Variants in SPATA18 observed in about 807,000 individuals in gnomAD.
The protein encoded by SPATA18 is spermatogenesis associated 18.
In SPATA18, 54 loss-of-function variants were observed where a neutral mutation model predicts 68.1. The observed-to-expected ratio is 0.79, with a 90% CI of 0.64 to 0.99. The LOEUF (loss-of-function observed/expected upper bound fraction) is 0.99, where lower values mean the gene tolerates loss of function less well. Among genes scored for constraint, SPATA18 ranks in the 50% least tolerant of loss-of-function variants. SPATA18 has a pLI of 0.00. For missense variants in SPATA18, 724 were observed against 681.1 expected, an observed-to-expected ratio of 1.06 and a Z score of -0.70; for synonymous variants, 242 against 244.8, an observed-to-expected ratio of 0.99 and a Z score of 0.11.
At chr4:52,056,961 C>T (rs1459692221) in intron 1 of SPATA18, among the ~76,000 whole-genome samples, 1 of 152,160 alleles carries the variant, frequency 6.6e-6, no homozygotes, top group African/African-American at 2.4e-5. Context: ...GGACCCTGTA[C>T]TCACTTTCCG....
rs184542043 is a variant in SPATA18, at chr4:52,062,469, T to C, written c.422+137T>C. ...AGTAATATGATTGTGTGTGTGTCTG[T>C]GGGCATGTGTGTATGACAGAGAGAG... On this transcript the variant is annotated intron_variant, in intron 4 of 12. Coordinates refer to ENST00000295213, the MANE Select transcript of SPATA18 (RefSeq NM_145263.4). The C allele has an allele frequency of 1.6e-5, 10 of 627,606 alleles. No homozygotes were observed. The East Asian group carries it at 2.8e-4, about 17-fold the overall frequency. The allele number at this position is 627,606 out of a possible 1,614,324, so 38.9% of individuals were successfully genotyped here.
At chr4:52,091,572 A>G (rs1741957632) in intron 11 of SPATA18, among the ~76,000 whole-genome samples, 1 of 152,144 alleles carries the variant, frequency 6.6e-6, no homozygotes, top group Non-Finnish European at 1.5e-5. Context: ...TCCACTCCCA[A>G]CCCTGTTTGC....
At chr4:52,088,855 TG>T (rs1459646402) in intron 11 of SPATA18, among the ~76,000 whole-genome samples, 1 of 152,228 alleles carries the variant, frequency 6.6e-6, no homozygotes, top group Non-Finnish European at 1.5e-5. Flanking sequence ...TCAGAACGAA[TG>T]GTACCATTTC....
At chr4:52,092,461 G>A (rs1742052886) in intron 11 of SPATA18, among the ~76,000 whole-genome samples, 1 of 152,190 alleles carries the variant, frequency 6.6e-6, no homozygotes, top group African/African-American at 2.4e-5. Context: ...GGGTAGGGGG[G>A]AACATTCTCT....
intron 1 of SPATA18, among the ~76,000 whole-genome samples, chr4:52,058,756 C>T (rs1478530590): frequency 6.6e-6 from 1 of 152,080 alleles, no homozygotes; most frequent in Non-Finnish European, 1.5e-5. Context: ...ATCTAAAAGT[C>T]AGTATAGTTT....
At position 52,051,801 on chromosome 4, in the gene SPATA18, G is replaced by A. The variant is rs748435698; in HGVS notation, c.87+10G>A. On this transcript the variant is annotated intron_variant, in intron 1 of 12. Coordinates refer to ENST00000295213, the MANE Select transcript of SPATA18 (RefSeq NM_145263.4). ...GCTGAAGGAGTACAACGTGAGTCTGGGTGAAAAACCCCCGGGGTTCGCCCT... is the reference window on the plus strand; with the variant it reads ...GCTGAAGGAGTACAACGTGAGTCTGAGTGAAAAACCCCCGGGGTTCGCCCT... 1.2e-6 allele frequency: 2 copies of A among 1,612,718 alleles called. No homozygotes were observed. Among genetic ancestry groups the A allele is most frequent in the South Asian group, 2.2e-5 (2 of 91,078 alleles).
At chr4:52,073,350 G>C (rs750491732) in intron 6 of SPATA18, among the ~76,000 whole-genome samples, 43 of 152,098 alleles carry the variant, frequency 2.8e-4, no homozygotes, top group Non-Finnish European at 5.0e-4. Context: ...TTTACTTCAG[G>C]CTAGCTAGTC....
In SPATA18 at chr4:52,069,854, C is replaced by T. The variant is rs562380074; in HGVS notation, c.456C>T (p.Ser152=). The change falls in exon 5 of 13, where the codon AGC becomes AGT. Residue 152 remains serine (S), a synonymous_variant. Transcript: ENST00000295213. The part of the protein sequence containing the change: ...LVETEKNLEE[S]KNRSAISLLA... ...AAACTGAAAAGAATCTTGAAGAAAG[C>T]AAGAACAGATCGGCCATATCCCTTT... 1.3e-6 allele frequency: 2 copies of T among 1,594,602 alleles called. No individual in the cohort carries two copies. Among genetic ancestry groups the T allele is most frequent in the Non-Finnish European group, 1.7e-6 (2 of 1,167,972 alleles).
chr4:52,061,807 T>C (rs1037813521), intron 3 of SPATA18, among the ~76,000 whole-genome samples: 2 of 152,024 alleles, frequency 1.3e-5, no homozygotes, highest in Non-Finnish European at 2.9e-5. Flanking sequence ...CATTAAGTAA[T>C]TTTTTTTCCC....
At chr4:52,065,749 T>A (rs904415213) in intron 4 of SPATA18, among the ~76,000 whole-genome samples, 2 of 152,196 alleles carry the variant, frequency 1.3e-5, no homozygotes, top group Non-Finnish European at 2.9e-5. Context: ...GTTCCCTATG[T>A]CTAACCTTGT....
intron 1 of SPATA18, among the ~76,000 whole-genome samples, chr4:52,059,932 A>G (rs1252426649): frequency 6.6e-6 from 1 of 152,190 alleles, no homozygotes; most frequent in Non-Finnish European, 1.5e-5. Flanking sequence ...GGTTTTACTG[A>G]GTAGGATTAT....
chr4:52,064,288 A>T (rs1250557953), intron 4 of SPATA18, among the ~76,000 whole-genome samples: 1 of 151,494 alleles, frequency 6.6e-6, no homozygotes, highest in South Asian at 2.1e-4. Context: ...TTTTTATGTT[A>T]TTTCAATAGA....
intron 9 of SPATA18, among the ~76,000 whole-genome samples, chr4:52,080,748 C>T (rs1306320857): frequency 6.6e-6 from 1 of 152,044 alleles, no homozygotes; most frequent in South Asian, 2.1e-4. Context: ...TGCCTACTTC[C>T]TAGGGTCGTA....
chr4:52,093,178 A>T (rs932123634), intron 11 of SPATA18, among the ~76,000 whole-genome samples: 1 of 152,228 alleles, frequency 6.6e-6, no homozygotes, highest in African/African-American at 2.4e-5. Flanking sequence ...GATTATTATG[A>T]TTTAAACAGA....
chr4:52,052,859 G>A (rs1190714246), intron 1 of SPATA18, among the ~76,000 whole-genome samples: 1 of 152,208 alleles, frequency 6.6e-6, no homozygotes, highest in African/African-American at 2.4e-5. Context: ...GTGGAGGGGA[G>A]CTCAAAGAGC....
chr4:52,087,702 G>T (rs1209177478), intron 11 of SPATA18, among the ~76,000 whole-genome samples: 2 of 152,058 alleles, frequency 1.3e-5, no homozygotes, highest in Non-Finnish European at 2.9e-5. Context: ...GTCAGGTAGC[G>T]TGATGCCTCT....
intron 11 of SPATA18, 33 bp from the exon 12 acceptor site, chr4:52,094,494 A>T (rs373384023): frequency 5.0e-6 from 8 of 1,603,692 alleles, no homozygotes; most frequent in Non-Finnish European, 6.8e-6. Flanking sequence ...TCCGTCTACT[A>T]TGTAATTCAC....
At chr4:52,070,022 C>A in intron 5 of SPATA18, 106 bp downstream of exon 5, 2 of 416,298 alleles carry the variant, frequency 4.8e-6, no homozygotes, top group Non-Finnish European at 7.6e-6. Context: ...AGAGAAAATG[C>A]AGAAATATTT....
rs1470038593 is a variant in SPATA18 at position 52,096,036 on chromosome 4, T to G, written c.*1149T>G. ...CACTGAATTGGCCTCAGCTCAGTTT[T>G]GCATAAGCTTAGTGCCAGAACCAGC... On this transcript the variant is annotated 3_prime_UTR_variant, in exon 13 of 13. Coordinates refer to ENST00000295213, the MANE Select transcript of SPATA18 (RefSeq NM_145263.4). 1 of 152,190 alleles carries G rather than the reference T, an allele frequency of 6.6e-6. No individual in the cohort carries two copies. Among genetic ancestry groups the G allele is most frequent in the African/African-American group, 2.4e-5 (1 of 41,444 alleles). 9.4% of individuals were successfully genotyped at this position (152,190 alleles called of 1,614,324 possible). A position where few individuals can be genotyped will look rare whatever the true frequency, so the allele number is the denominator to read the frequency against.
Sources: gnomAD v4.1 joint callset for allele counts (sites outside exome capture counted in the v4.1 genomes callset) on GRCh38, gnomAD v4.1.1 for gene constraint, MANE v1.5 for transcripts, NCBI Gene and HGNC (gene_info 2026-07-23, HGNC 2026-07-21) for gene names.